Variants in RPS6KA6 observed in about 807,000 individuals in gnomAD.
RPS6KA6 encodes the protein ribosomal protein S6 kinase alpha-6.
In RPS6KA6, 27 loss-of-function variants were observed where a neutral mutation model predicts 65.4. The observed-to-expected ratio is 0.41, with a 90% confidence interval of 0.30 to 0.57. The LOEUF (loss-of-function observed/expected upper bound fraction) is 0.57. Ranked by LOEUF, RPS6KA6 falls within the 20% of genes least tolerant of loss-of-function variation. The pLI is 0.24. For missense variants in RPS6KA6, 486 were observed against 555.6 expected (o/e 0.87, Z 1.26); for synonymous variants, 190 against 184.2 (o/e 1.03, Z -0.26).
At chrX:84,187,780 C>T in intron 1 of RPS6KA6, 39 bp downstream of exon 1, 1 of 1,163,328 alleles carries the variant, frequency 8.6e-7, no homozygotes. Flanking sequence ...GGGAAGGAGG[C>T]GGGGGTTGGC....
At chrX:84,169,702 A>G (rs1035833570) in intron 1 of RPS6KA6, among the ~76,000 whole-genome samples, 2 of 111,845 alleles carry the variant, frequency 1.8e-5, no homozygotes, top group African/African-American at 6.5e-5. Flanking sequence ...AGAGATACAC[A>G]TTTCCGAAGA....
intron 3 of RPS6KA6, among the ~76,000 whole-genome samples, chrX:84,155,334 T>C (rs2035397574): frequency 8.9e-6 from 1 of 111,922 alleles, no homozygotes; most frequent in Non-Finnish European, 1.9e-5. Context: ...TTTCTCTTTA[T>C]CTTTCTCCCC....
intron 14 of RPS6KA6, 146 bp downstream of exon 14, chrX:84,106,764 C>T (rs1172956843): frequency 8.0e-6 from 4 of 500,454 alleles, no homozygotes; most frequent in Non-Finnish European, 1.3e-5. Flanking sequence ...TTCCAAAACA[C>T]ACAGGGACAT....
rs191919687 is a variant in RPS6KA6, at chrX:84,139,746, C to T, written c.502-4536G>A. Among the ~76,000 whole-genome samples the T allele has an allele frequency of 3.6e-5, 4 of 112,258 alleles. No individual in the cohort carries two copies. In the East Asian group the frequency reaches 1.1e-3, roughly 32 times the overall value. On this transcript the variant is annotated intron_variant, in intron 6 of 21. Coordinates refer to ENST00000262752, the MANE Select transcript of RPS6KA6 (RefSeq NM_014496.5). ...GACAAAGACAGGATTTAATCTCATG[C>T]CTGAAAAATCTAAAACACAGGACAA...
intron 12 of RPS6KA6, among the ~76,000 whole-genome samples, chrX:84,114,524 AC>A (rs1297471720): frequency 9.0e-6 from 1 of 110,892 alleles, no homozygotes; most frequent in East Asian, 2.8e-4. Context: ...ACAAAAAAAA[AC>A]ATACTGACCA....
intron 18 of RPS6KA6, among the ~76,000 whole-genome samples, chrX:84,100,004 A>G (rs183568691): frequency 2.4e-4 from 27 of 111,307 alleles, no homozygotes; most frequent in African/African-American, 7.8e-4. Flanking sequence ...CTAGTTTAAA[A>G]AAGAATGCAT....
intron 2 of RPS6KA6, among the ~76,000 whole-genome samples, chrX:84,163,051 C>G (rs192978159): frequency 9.0e-6 from 1 of 111,722 alleles, no homozygotes; most frequent in Non-Finnish European, 1.9e-5. Flanking sequence ...ATTTAAATCC[C>G]TCTGCTGGTT....
At chrX:84,103,998 GC>G (rs2034307137) in intron 17 of RPS6KA6, among the ~76,000 whole-genome samples, 1 of 109,774 alleles carries the variant, frequency 9.1e-6, no homozygotes, top group East Asian at 2.8e-4. Context: ...CAGTTCATTT[GC>G]CTTCTTTATG....
chrX:84,167,156 A>T (rs2147614892), intron 1 of RPS6KA6, among the ~76,000 whole-genome samples: 1 of 111,810 alleles, frequency 8.9e-6, no homozygotes, highest in South Asian at 3.7e-4. Flanking sequence ...CATCAAACTG[A>T]ATGACTGCAG....
At chrX:84,076,561 C>A (rs1361462126) in intron 20 of RPS6KA6, among the ~76,000 whole-genome samples, 1 of 111,828 alleles carries the variant, frequency 8.9e-6, no homozygotes, top group South Asian at 3.7e-4. Context: ...GTGATTATCA[C>A]AGCAGACATA....
chrX:84,149,266 A>G (rs1442163063), intron 3 of RPS6KA6, among the ~76,000 whole-genome samples: 1 of 111,438 alleles, frequency 9.0e-6, no homozygotes, highest in African/African-American at 3.3e-5. Flanking sequence ...GAGCCCCTCC[A>G]AGTCATCCAT....
intron 20 of RPS6KA6, among the ~76,000 whole-genome samples, chrX:84,094,308 GAAAAA>G (rs144397619): frequency 9.5e-4 from 65 of 68,503 alleles, no homozygotes; most frequent in African/African-American, 3.5e-3. Flanking sequence ...GCCTTAAAGG[GAAAAA>G]AAAAAAAAAA....
At position 84,132,267 on chromosome X, in the gene RPS6KA6, A is replaced by C. The variant is rs1167745220; in HGVS notation, c.646+2515T>G. On this transcript the variant is annotated intron_variant, in intron 8 of 21. Coordinates refer to ENST00000262752, the MANE Select transcript of RPS6KA6 (RefSeq NM_014496.5). ...GCAAGACTCCGTCGCCACACACACA[A>C]AAAATAGCTGGGTGTGGTGGCATGT... Among the ~76,000 whole-genome samples the C allele has an allele frequency of 7.2e-5, 8 of 110,392 alleles. No individual in the cohort carries two copies. In the Admixed American group the frequency reaches 7.8e-4, roughly 11 times the overall value.
At chrX:84,141,407 T>A (rs1477386253) in intron 6 of RPS6KA6, among the ~76,000 whole-genome samples, 3 of 100,405 alleles carry the variant, frequency 3.0e-5, no homozygotes, top group African/African-American at 1.1e-4. Flanking sequence ...AAAATGAAAT[T>A]GTAAAAAAAA....
Position 84,187,867 on chromosome X carries a change from C to G in RPS6KA6, c.33G>C (p.Trp11Cys), listed in dbSNP as rs746652503. 1.0e-5 allele frequency: 12 copies of G among 1,203,351 alleles called. No homozygotes were observed. Among genetic ancestry groups the G allele is most frequent in the African/African-American group, 1.8e-5 (1 of 56,901 alleles). ...CGCTGAACACTTCCATTTCTCGGTC[C>G]CAGGGCTCGTCCTGAGGAGCGAATG... MLPFAPQDEP[W>C]DREMEVFSGG... Residue 11 changes from tryptophan to cysteine, a missense_variant, in exon 1 of 22, where the codon TGG (tryptophan) becomes TGC (cysteine). Coordinates refer to ENST00000262752, the MANE Select transcript of RPS6KA6 (RefSeq NM_014496.5).
intron 1 of RPS6KA6, among the ~76,000 whole-genome samples, chrX:84,174,305 GCTTT>G (rs2035730294): frequency 9.0e-6 from 1 of 111,549 alleles, no homozygotes; most frequent in Non-Finnish European, 1.9e-5. Context: ...ATCCTTTCTG[GCTTT>G]CTAATTATAC....
chrX:84,074,496 A>G (rs1178708955), intron 20 of RPS6KA6, among the ~76,000 whole-genome samples: 1 of 111,757 alleles, frequency 8.9e-6, no homozygotes, highest in African/African-American at 3.3e-5. Flanking sequence ...ACATTTCAAA[A>G]CAGCTAAAAA....
intron 20 of RPS6KA6, among the ~76,000 whole-genome samples, chrX:84,091,539 C>T (rs959115837): frequency 3.6e-5 from 4 of 111,928 alleles, no homozygotes; most frequent in South Asian, 3.7e-4. Context: ...GTAGAAGAAA[C>T]AACAGATGCT....
Position 84,116,213 on chromosome X carries a change from T to G in RPS6KA6, c.1008+16A>C, listed in dbSNP as rs770655145. On this transcript the variant is annotated intron_variant, in intron 12 of 21. Transcript: ENST00000262752. The stretch of plus-strand genomic sequence containing the variant: ...CATATGAAGTTATTCAATAACAAGC[T>G]TTCTACTTAACTTACATCCCAGTCA... The G allele has an allele frequency of 9.4e-7, 1 of 1,066,284 alleles. No individual in the cohort carries two copies. The highest frequency in any genetic ancestry group is 1.3e-6 in the Non-Finnish European group (1 of 773,888). 87.9% of individuals were successfully genotyped at this position (1,066,284 alleles called of 1,213,427 possible). A position where few individuals can be genotyped will look rare whatever the true frequency, so the allele number is the denominator to read the frequency against.
Sources: allele counts gnomAD v4.1 joint callset (sites outside exome capture counted in the v4.1 genomes callset), GRCh38; gene constraint gnomAD v4.1.1; transcripts MANE v1.5; gene names NCBI Gene and HGNC (gene_info 2026-07-23, HGNC 2026-07-21).